C17orf99: variants seen among roughly 807,000 people sequenced by gnomAD.
C17orf99 encodes protein IL-40.
Under a neutral mutation model 22.6 loss-of-function variants are expected in C17orf99, and 18 were observed. The observed-to-expected ratio is 0.80, with a 90% CI of 0.55 to 1.18. C17orf99 has a LOEUF of 1.18. Ranked by LOEUF, C17orf99 falls within the 50% of genes most tolerant of loss-of-function variation. C17orf99 has a pLI of 0.00. For missense variants in C17orf99, 328 were observed against 342.7 expected (o/e 0.96, Z 0.34); for synonymous variants, 147 against 136.6 (o/e 1.08, Z -0.53).
chr17:78,165,858 G>A (rs1284381531), intron 4 of C17orf99, 31 bp from the exon 5 acceptor site: 6 of 1,296,188 alleles, frequency 4.6e-6, no homozygotes, highest in South Asian at 2.7e-5. Flanking sequence ...AGGTGAGCCT[G>A]CCTGACTTGA....
chr17:78,149,189 G>A lies in C17orf99; in HGVS notation c.70+2278G>A, dbSNP rs146470776. 9.4e-3 allele frequency among the ~76,000 whole-genome samples: 1,424 copies of A among 151,930 alleles called. 19 individuals are homozygous for A. The highest frequency in any genetic ancestry group is 0.032 in the African/African-American group (1,322 of 41,386). ...TCTAATGAAAATACAAAAATTAGCC[G>A]GGCGTGGTGGCGCACGTCTGTAATC... On this transcript the variant is annotated intron_variant, in intron 2 of 4. Coordinates refer to ENST00000340363, the MANE Select transcript of C17orf99 (RefSeq NM_001163075.2).
chr17:78,165,480 G>A (rs1257836224), intron 4 of C17orf99: 2 of 985,852 alleles, frequency 2.0e-6, no homozygotes, highest in Non-Finnish European at 1.2e-6. Context: ...CTCTTCTGCT[G>A]GGGCACTGAT....
At chr17:78,158,232 C>G (rs2075543752) in intron 2 of C17orf99, 2 of 593,956 alleles carry the variant, frequency 3.4e-6, no homozygotes, top group Non-Finnish European at 6.5e-6. Flanking sequence ...GTGATCCTCC[C>G]AAGAGGCCCC....
intron 3 of C17orf99, among the ~76,000 whole-genome samples, chr17:78,163,249 C>T (rs2075591790): frequency 6.6e-6 from 1 of 151,886 alleles, no homozygotes; most frequent in Admixed American, 6.6e-5. Flanking sequence ...GACCCTGTCT[C>T]TAAAATAATA....
chr17:78,160,964 CT>C lies in C17orf99; in HGVS notation c.81del (p.Val28TrpfsTer20). 6.4e-7 allele frequency: 1 copy of C among 1,550,616 alleles called. No homozygotes were observed. Among genetic ancestry groups the C allele is most frequent in the Non-Finnish European group, 8.7e-7 (1 of 1,146,140 alleles). On this transcript the variant is annotated frameshift_variant, in exon 3 of 5. Transcript: ENST00000340363. LOFTEE classifies it high-confidence loss of function. Reference protein sequence around the residue: ...FSKAREEEITPVVSIAYKVLE... With the variant: ...FSKAREEEITXVVSIAYKVLE... ...CCTTTTCATCTCCCAGAAATTACCCCTGTGGTCTCCATTGCCTACAAAGTCC... is the reference window on the plus strand; with the variant it reads ...CCTTTTCATCTCCCAGAAATTACCCCGTGGTCTCCATTGCCTACAAAGTCC...
At chr17:78,165,793 A>C in intron 4 of C17orf99, 96 bp from the exon 5 acceptor site, 1 of 1,263,990 alleles carries the variant, frequency 7.9e-7, no homozygotes, top group Non-Finnish European at 1.0e-6. Context: ...AAAGAGCAAA[A>C]CTCCGTCTCA....
Position 78,161,188 on chromosome 17 carries a change from G to A in C17orf99, c.304G>A (p.Ala102Thr). Residue 102 changes from alanine (A) to threonine (T), a missense_variant, in exon 3 of 5, where the codon GCG becomes ACG. Ala to Thr is a moderately conservative substitution (Grantham distance 58, BLOSUM62 0). Coordinates refer to ENST00000340363, the MANE Select transcript of C17orf99 (RefSeq NM_001163075.2). ...AGACCTGCTCACCTACTTCTGCTGG[G>A]CGTCCTCCACCTCAGGTGCCCATGT... Reference protein sequence around the residue: ...SPDLLTYFCWASSTSGAHVDS... With the variant: ...SPDLLTYFCWTSSTSGAHVDS... 6.4e-7 allele frequency: 1 copy of A among 1,551,778 alleles called. No homozygotes were observed.
intron 3 of C17orf99, among the ~76,000 whole-genome samples, chr17:78,163,733 G>T (rs1190606208): frequency 6.6e-6 from 1 of 152,164 alleles, no homozygotes; most frequent in African/African-American, 2.4e-5. Context: ...GGATGTGGTG[G>T]TGCACACCTG....
chr17:78,157,359 GGCTCACA>G (rs2075534830), intron 2 of C17orf99: 8 of 971,838 alleles, frequency 8.2e-6, no homozygotes, highest in Non-Finnish European at 1.2e-5. Flanking sequence ...TGGGCTCGGA[GGCTCACA>G]GCCAGTGGAC....
intron 4 of C17orf99, chr17:78,165,543 C>T: frequency 1.0e-6 from 1 of 989,974 alleles, no homozygotes; most frequent in Non-Finnish European, 1.2e-6. Flanking sequence ...TGGCTCATGC[C>T]TGGAATCTCA....
intron 2 of C17orf99, among the ~76,000 whole-genome samples, chr17:78,155,948 A>G (rs1402580531): frequency 6.6e-6 from 1 of 151,908 alleles, no homozygotes; most frequent in East Asian, 1.9e-4. Flanking sequence ...TGAAATGCAA[A>G]CAGGTCCCCG....
At chr17:78,158,029 G>A in intron 2 of C17orf99, 1 of 1,370,638 alleles carries the variant, frequency 7.3e-7, no homozygotes, top group African/African-American at 1.4e-5. Flanking sequence ...TTGGCATCCA[G>A]GATGGGCACC....
intron 2 of C17orf99, among the ~76,000 whole-genome samples, chr17:78,153,747 A>G (rs868574797): frequency 2.0e-5 from 3 of 152,280 alleles, no homozygotes; most frequent in African/African-American, 7.2e-5. Flanking sequence ...TTTCTGGACC[A>G]TGAAGAGAAG....
intron 2 of C17orf99, among the ~76,000 whole-genome samples, chr17:78,148,555 G>T (rs1007292309): frequency 8.5e-5 from 13 of 152,094 alleles, no homozygotes; most frequent in African/African-American, 3.1e-4. Context: ...GAATGTTCTA[G>T]AGAAAAGCAA....
In C17orf99 at chr17:78,166,070, C is replaced by G; in HGVS notation, c.*24C>G. ...AGAATGAACCGTCCAGAGAGCCAAGCACGGCAGAGGACTGCAGGCCATCAG... is the reference window on the plus strand; with the variant it reads ...AGAATGAACCGTCCAGAGAGCCAAGGACGGCAGAGGACTGCAGGCCATCAG... On this transcript the variant is annotated 3_prime_UTR_variant, in exon 5 of 5. Coordinates refer to ENST00000340363, the MANE Select transcript of C17orf99 (RefSeq NM_001163075.2). The G allele has an allele frequency of 9.8e-7, 1 of 1,020,988 alleles. No individual in the cohort carries two copies. Among genetic ancestry groups the G allele is most frequent in the Non-Finnish European group, 1.3e-6 (1 of 751,716 alleles). 63.2% of individuals were successfully genotyped at this position (1,020,988 alleles called of 1,614,324 possible).
upstream of C17orf99, chr17:78,146,380 C>T (rs1036741775): frequency 3.4e-5 from 53 of 1,548,326 alleles, no homozygotes; most frequent in Admixed American, 2.6e-4. The surrounding 1 kb of genome is among the most constrained non-coding windows in gnomAD (Gnocchi z 5.2). Context: ...TCTCACTGCC[C>T]GAGCAGAGGC....
chr17:78,162,817 G>T (rs569921076), intron 3 of C17orf99, among the ~76,000 whole-genome samples: 2 of 152,234 alleles, frequency 1.3e-5, no homozygotes, highest in South Asian at 2.1e-4. Context: ...ATGGAGTCTT[G>T]CTCTGTCGCC....
At position 78,164,281 on chromosome 17, in the gene C17orf99, C is replaced by T. The variant is rs897643617; in HGVS notation, c.557C>T (p.Pro186Leu). 3.5e-5 allele frequency: 54 copies of T among 1,551,470 alleles called. No homozygotes were observed. Among genetic ancestry groups the T allele is most frequent in the Middle Eastern group, 1.7e-4 (1 of 6,014 alleles). The change falls in exon 4 of 5, where the codon CCG (proline) becomes CTG (leucine). Residue 186 changes from proline (P) to leucine (L), a missense_variant. Pro to Leu is a moderately conservative substitution (Grantham distance 98). Coordinates refer to ENST00000340363, the MANE Select transcript of C17orf99 (RefSeq NM_001163075.2). ...CAGCCTGCCAACTTCTCCTTCCTGC[C>T]GAGCCAGACATCGGACTGGTTCTGG... The part of the protein sequence containing the change: ...HRQPANFSFL[P>L]SQTSDWFWCQ...
chr17:78,151,687 A>T (rs569417352), intron 2 of C17orf99, among the ~76,000 whole-genome samples: 1 of 152,208 alleles, frequency 6.6e-6, no homozygotes, highest in East Asian at 1.9e-4. Flanking sequence ...CTAATCCAGC[A>T]TGAATTACTG....
Sources: allele counts gnomAD v4.1 joint callset (sites outside exome capture counted in the v4.1 genomes callset), GRCh38; gene constraint gnomAD v4.1.1; non-coding constraint Gnocchi (gnomAD v3.1); transcripts MANE v1.5; gene names NCBI Gene and HGNC (gene_info 2026-07-23, HGNC 2026-07-21).